ARL14EP: variants seen among roughly 807,000 people sequenced by gnomAD.
The protein encoded by ARL14EP is ARL14 effector protein.
In ARL14EP, 12 loss-of-function variants were observed where a neutral mutation model predicts 23.1. The ratio of observed to expected loss-of-function variants is 0.52; its 90% CI spans 0.33 to 0.84. The LOEUF (loss-of-function observed/expected upper bound fraction) is 0.84. Among genes scored for constraint, ARL14EP ranks in the 40% least tolerant of loss-of-function variants. ARL14EP has a pLI of 0.02. For synonymous variants in ARL14EP, 97 were observed against 102.0 expected, an observed-to-expected ratio of 0.95 and a Z score of 0.29; for missense variants, 253 against 307.3, an observed-to-expected ratio of 0.82 and a Z score of 1.32.
intron 1 of ARL14EP, among the ~76,000 whole-genome samples, chr11:30,324,543 G>C (rs1448329016): frequency 6.6e-6 from 1 of 151,994 alleles, no homozygotes; most frequent in Non-Finnish European, 1.5e-5. Flanking sequence ...TTGCTGTTTT[G>C]TTAGTGGTGG....
At chr11:30,335,880 A>G (rs960853695) in intron 3 of ARL14EP, among the ~76,000 whole-genome samples, 6 of 151,936 alleles carry the variant, frequency 3.9e-5, no homozygotes, top group Non-Finnish European at 2.9e-5. Context: ...TCTCCGTTCT[A>G]TGGGTAGCAG....
intron 3 of ARL14EP, 104 bp from the exon 4 acceptor site, chr11:30,336,463 C>G: frequency 1.9e-6 from 2 of 1,072,146 alleles, no homozygotes; most frequent in Non-Finnish European, 2.7e-6. Flanking sequence ...TTGGCATGAC[C>G]TCATCTAAAA....
rs1947340453 is a variant in ARL14EP at position 30,337,178 on chromosome 11, G to T, written c.*383G>T. ...AGGTTAAAATTTTAGTTAGCACATT[G>T]TAACTGAGTAATTACATGAAGTACA... On this transcript the variant is annotated 3_prime_UTR_variant, in exon 4 of 4. Transcript: ENST00000282032. 1 of 253,514 alleles carries T rather than the reference G, an allele frequency of 3.9e-6. No individual in the cohort carries two copies. Among genetic ancestry groups the T allele is most frequent in the East Asian group, 1.0e-4 (1 of 9,618 alleles). The allele number at this position is 253,514 out of a possible 1,614,324, so 15.7% of individuals were successfully genotyped here.
rs546672850 is a variant in ARL14EP, at chr11:30,334,982, G to A, written c.555-1585G>A. On this transcript the variant is annotated intron_variant, in intron 3 of 3. Transcript: ENST00000282032. ...TTCAAGTCTGTTATTTAAGAAATAC[G>A]TTTTGTGAGGCCAGAGCTGCCATAG... 4.6e-4 allele frequency among the ~76,000 whole-genome samples: 69 copies of A among 149,930 alleles called. 1 individual carries two copies. In the South Asian group the frequency reaches 0.013, roughly 29 times the overall value.
rs1590672164 is a variant in ARL14EP at position 30,336,999 on chromosome 11, G to A, written c.*204G>A. On this transcript the variant is annotated 3_prime_UTR_variant, in exon 4 of 4. Transcript: ENST00000282032. Reference sequence around the variant, plus strand: ...TTTTTCAGTAGTCAGCGTTAAGCCTGTCTGGATCAATATAAACAAGTAGGG... The same window carrying A: ...TTTTTCAGTAGTCAGCGTTAAGCCTATCTGGATCAATATAAACAAGTAGGG... 2 of 585,444 alleles carry A rather than the reference G, an allele frequency of 3.4e-6. No homozygotes were observed. The highest frequency in any genetic ancestry group is 6.0e-6 in the Non-Finnish European group (2 of 332,024). 36.3% of individuals were successfully genotyped at this position (585,444 alleles called of 1,614,324 possible).
chr11:30,329,473 T>A (rs1176449811), intron 1 of ARL14EP: 1 of 152,206 alleles, frequency 6.6e-6, no homozygotes, highest in Admixed American at 6.5e-5. Context: ...TGAAAAGAGC[T>A]GAGTCCCAAG....
intron 1 of ARL14EP, chr11:30,329,286 A>G (rs928341521): frequency 1.3e-5 from 2 of 152,106 alleles, no homozygotes; most frequent in African/African-American, 4.8e-5. Context: ...CACGTAATTC[A>G]TGTAGTTTAT....
chr11:30,330,065 G>C (rs926480131), intron 1 of ARL14EP: 4 of 151,760 alleles, frequency 2.6e-5, no homozygotes, highest in Non-Finnish European at 2.9e-5. Context: ...TTTTGTTTGT[G>C]CAGAAGAGAT....
At position 30,337,094 on chromosome 11, in the gene ARL14EP, C is replaced by A; in HGVS notation, c.*299C>A. ...CAGTGACCTAGATTTAGTTTAAATA[C>A]CAGTTTCCTTACCAGGAAGGAAAGA... On this transcript the variant is annotated 3_prime_UTR_variant, in exon 4 of 4. Coordinates refer to ENST00000282032, the MANE Select transcript of ARL14EP (RefSeq NM_152316.3). The A allele has an allele frequency of 3.0e-6, 1 of 333,228 alleles. No homozygotes were observed. Among genetic ancestry groups the A allele is most frequent in the Non-Finnish European group, 5.6e-6 (1 of 179,196 alleles). The allele number at this position is 333,228 out of a possible 1,614,324, so 20.6% of individuals were successfully genotyped here. A position where few individuals can be genotyped will look rare whatever the true frequency, so the allele number is the denominator to read the frequency against.
rs754857655 is a variant in ARL14EP, at chr11:30,331,337, A to T, written c.389A>T (p.Asp130Val). 6.2e-6 allele frequency: 10 copies of T among 1,613,984 alleles called. No homozygotes were observed. Among genetic ancestry groups the T allele is most frequent in the Non-Finnish European group, 8.5e-6 (10 of 1,179,870 alleles). ...ATAATCAATGGAAGTGTGGATGTTG[A>T]TACTGAAGACCGCCAGAAAAGGAAA... ...TQIINGSVDV[D>V]TEDRQKRKPE... Residue 130 changes from aspartate (D) to valine (V), a missense_variant, in exon 2 of 4, where the codon GAT becomes GTT. Transcript: ENST00000282032.
At chr11:30,334,616 T>C (rs868642549) in intron 3 of ARL14EP, among the ~76,000 whole-genome samples, 5 of 152,156 alleles carry the variant, frequency 3.3e-5, no homozygotes, top group Non-Finnish European at 4.4e-5. Flanking sequence ...TTTCTCTTGG[T>C]AGGGACGAAT....
chr11:30,327,325 C>A (rs1359842275), intron 1 of ARL14EP, among the ~76,000 whole-genome samples: 1 of 151,686 alleles, frequency 6.6e-6, no homozygotes, highest in Non-Finnish European at 1.5e-5. Flanking sequence ...CAGAGACTCC[C>A]CAATAACTAA....
intron 1 of ARL14EP, among the ~76,000 whole-genome samples, chr11:30,323,654 G>A (rs1250882954): frequency 6.6e-6 from 1 of 152,212 alleles, no homozygotes; most frequent in Non-Finnish European, 1.5e-5. Flanking sequence ...CATGAACTTA[G>A]TAGGTGCCCA....
chr11:30,336,686 C>A lies in ARL14EP; in HGVS notation c.674C>A (p.Ala225Asp), dbSNP rs570404187. 6.2e-7 allele frequency: 1 copy of A among 1,614,078 alleles called. No homozygotes were observed. The highest frequency in any genetic ancestry group is 1.3e-5 in the African/African-American group (1 of 74,998). Residue 225 changes from alanine to aspartate, a missense_variant, in exon 4 of 4, where the codon GCC becomes GAC. By Grantham distance (126) the Ala-to-Asp change is moderately radical. Transcript: ENST00000282032. Reference sequence around the variant, plus strand: ...TTAGGATGTTTCTATGCTTGTCCTGCCTGTGGTTCTACCAAGTGTGGAGCT... The same window carrying A: ...TTAGGATGTTTCTATGCTTGTCCTGACTGTGGTTCTACCAAGTGTGGAGCT... ...DCLGCFYACP[A>D]CGSTKCGAEC...
At chr11:30,323,959 T>A (rs1947216325) in intron 1 of ARL14EP, among the ~76,000 whole-genome samples, 2 of 152,230 alleles carry the variant, frequency 1.3e-5, no homozygotes. Flanking sequence ...TGGACTATAT[T>A]TTTGTTTTAA....
chr11:30,334,208 CTTTTTTTT>C (rs36111177), intron 3 of ARL14EP, among the ~76,000 whole-genome samples: 2 of 86,042 alleles, frequency 2.3e-5, no homozygotes, highest in Non-Finnish European at 4.2e-5. Flanking sequence ...GACCAGCCTT[CTTTTTTTT>C]TTTTTTTTTT....
intron 1 of ARL14EP, among the ~76,000 whole-genome samples, chr11:30,324,732 G>A (rs1947224286): frequency 1.3e-5 from 2 of 152,314 alleles, no homozygotes; most frequent in East Asian, 3.9e-4. Flanking sequence ...ATGTTTTAAA[G>A]TAAAGCTGGA....
chr11:30,330,469 G>A (rs1947273122), intron 1 of ARL14EP: 1 of 156,640 alleles, frequency 6.4e-6, no homozygotes, highest in South Asian at 1.9e-4. Context: ...TTTTTGTCTT[G>A]CAGTTTGATA....
chr11:30,329,393 A>T (rs1480231511), intron 1 of ARL14EP: 1 of 152,156 alleles, frequency 6.6e-6, no homozygotes, highest in Non-Finnish European at 1.5e-5. Context: ...AAAGGCAGTG[A>T]ATGCTGAAAG....
Sources: allele counts gnomAD v4.1 joint callset (sites outside exome capture counted in the v4.1 genomes callset), GRCh38; gene constraint gnomAD v4.1.1; transcripts MANE v1.5; gene names NCBI Gene and HGNC (gene_info 2026-07-23, HGNC 2026-07-21).